Variants in AKAP8 observed in about 807,000 individuals in gnomAD.
AKAP8 encodes the protein A-kinase anchor protein 8.
AKAP8 carries 24 observed loss-of-function variants against 67.5 expected under a neutral mutation model. The ratio of observed to expected loss-of-function variants is 0.36; its 90% CI spans 0.26 to 0.50. The LOEUF (loss-of-function observed/expected upper bound fraction) is 0.50, where lower values mean the gene tolerates loss of function less well. AKAP8 is among the 20% of genes least tolerant of loss of function. The pLI is 0.97. For missense variants in AKAP8, 971 were observed against 955.9 expected (o/e 1.02, Z -0.21); for synonymous variants, 400 against 371.1 (o/e 1.08, Z -0.90).
At chr19:15,366,527 TTTC>T (rs1415373525) in intron 9 of AKAP8, among the ~76,000 whole-genome samples, 1 of 152,016 alleles carries the variant, frequency 6.6e-6, no homozygotes, top group Non-Finnish European at 1.5e-5. Flanking sequence ...GAACAGTGAT[TTTC>T]TTTTTTTTTT....
chr19:15,372,228 G>A lies in AKAP8; in HGVS notation c.981C>T (p.Phe327=), dbSNP rs1249798963. The part of the protein sequence containing the change: ...KLARVDSEGD[F]SENDDAAGDF... ...GCCCCCAGGACATACCATTTTCGGA[G>A]AAATCTCCTTCACTGTCAACCCGGG... Residue 327 remains phenylalanine (F), a synonymous_variant, in exon 6 of 14, where the codon TTC becomes TTT. Coordinates refer to ENST00000269701, the MANE Select transcript of AKAP8 (RefSeq NM_005858.4). The A allele has an allele frequency of 9.3e-6, 15 of 1,614,088 alleles. No individual in the cohort carries two copies. The highest frequency in any genetic ancestry group is 1.7e-5 in the Admixed American group (1 of 60,002).
At chr19:15,372,104 G>A in intron 6 of AKAP8, 106 bp from the exon 7 acceptor site, 1 of 1,608,160 alleles carries the variant, frequency 6.2e-7, no homozygotes, top group Non-Finnish European at 8.5e-7. Context: ...GACCACAGTG[G>A]GGTTGAAACA....
intron 11 of AKAP8, among the ~76,000 whole-genome samples, 177 bp from the exon 12 acceptor site, chr19:15,361,155 T>C (rs1161854806): frequency 6.6e-6 from 1 of 152,198 alleles, no homozygotes; most frequent in Non-Finnish European, 1.5e-5. Context: ...ATTCTGCACT[T>C]TTCAGCTTTT....
At chr19:15,358,837 T>C (rs1966918703) in intron 13 of AKAP8, 130 bp downstream of exon 13, 4 of 815,448 alleles carry the variant, frequency 4.9e-6, no homozygotes, top group Non-Finnish European at 8.2e-6. Flanking sequence ...GCTTGATGCA[T>C]TCCAGTGTCC....
intron 9 of AKAP8, among the ~76,000 whole-genome samples, chr19:15,363,470 C>G (rs1182026657): frequency 7.0e-6 from 1 of 142,784 alleles, no homozygotes; most frequent in African/African-American, 2.6e-5. Flanking sequence ...GCCGCCCCGT[C>G]CGGGAGGGAG....
chr19:15,368,849 A>G (rs966954904), intron 8 of AKAP8: 9 of 984,972 alleles, frequency 9.1e-6, no homozygotes, highest in African/African-American at 1.8e-5. Flanking sequence ...CCCGACCTCT[A>G]TCTTCCACTC....
Position 15,369,145 on chromosome 19 carries a change from T to C in AKAP8, c.1073-823A>G. The C allele has an allele frequency of 1.0e-6, 1 of 985,374 alleles. No individual in the cohort carries two copies. The highest frequency in any genetic ancestry group is 1.2e-6 in the Non-Finnish European group (1 of 829,936). 61.0% of individuals were successfully genotyped at this position (985,374 alleles called of 1,614,324 possible). A position where few individuals can be genotyped will look rare whatever the true frequency, so the allele number is the denominator to read the frequency against. ...CTCAGAAGCCTCTCAAAAGGGCGTG[T>C]GGGATTTTTGGCAAGAGGTCACTGC... On this transcript the variant is annotated intron_variant, in intron 8 of 13. Coordinates refer to ENST00000269701, the MANE Select transcript of AKAP8 (RefSeq NM_005858.4). The surrounding 1 kb of genome is among the most constrained non-coding windows in gnomAD (Gnocchi z 4.6).
intron 7 of AKAP8, among the ~76,000 whole-genome samples, chr19:15,370,739 C>T (rs1167943441): frequency 3.0e-5 from 4 of 132,850 alleles, no homozygotes; most frequent in Non-Finnish European, 4.6e-5. Flanking sequence ...TGAAGCAAAT[C>T]CTCTGCCTCA....
chr19:15,371,453 C>T (rs1014012462), intron 7 of AKAP8, among the ~76,000 whole-genome samples: 1 of 151,748 alleles, frequency 6.6e-6, no homozygotes, highest in African/African-American at 2.4e-5. Context: ...GAACTGGGAG[C>T]TTTTTTCAGA....
chr19:15,358,839 C>T, intron 13 of AKAP8, 128 bp downstream of exon 13: 1 of 822,162 alleles, frequency 1.2e-6, no homozygotes, highest in South Asian at 1.4e-5. Flanking sequence ...TTGATGCATT[C>T]CAGTGTCCCT....
intron 9 of AKAP8, among the ~76,000 whole-genome samples, chr19:15,365,414 C>A (rs1967052836): frequency 6.6e-6 from 1 of 152,214 alleles, no homozygotes; most frequent in Non-Finnish European, 1.5e-5. Flanking sequence ...GGGAGAGCAG[C>A]CTGCAGGCCC....
Position 15,374,623 on chromosome 19 carries a change from G to C in AKAP8, c.71C>G (p.Thr24Ser), listed in dbSNP as rs113147605. ...CTTACCTTGCCAGCTGGCCACACCA[G>C]TTCCATATGCACCTTAGGGGAAACA... The part of the protein sequence containing the change: ...GPANTQGAYG[T>S]GVASWQGYEN... Residue 24 changes from threonine (T) to serine (S), a missense_variant, in exon 3 of 14, where the codon ACT becomes AGT. Thr to Ser is a moderately conservative substitution (Grantham distance 58, BLOSUM62 1). Coordinates refer to ENST00000269701, the MANE Select transcript of AKAP8 (RefSeq NM_005858.4). 3 of 1,612,794 alleles carry C rather than the reference G, an allele frequency of 1.9e-6. No homozygotes were observed. The highest frequency in any genetic ancestry group is 1.3e-5 in the African/African-American group (1 of 74,828).
At chr19:15,361,082 G>A in intron 11 of AKAP8, 104 bp from the exon 12 acceptor site, 1 of 1,429,224 alleles carries the variant, frequency 7.0e-7, no homozygotes, top group South Asian at 1.3e-5. Flanking sequence ...TAAGGAATCA[G>A]AAGGGCACAG....
At chr19:15,379,472 C>T (rs2145093303) in intron 1 of AKAP8, 4 of 477,908 alleles carry the variant, frequency 8.4e-6, no homozygotes, top group Non-Finnish European at 7.2e-6. Flanking sequence ...CGGCGTCTGC[C>T]CCAACCCCGA....
At position 15,368,399 on chromosome 19, in the gene AKAP8, T is replaced by A; in HGVS notation, c.1073-77A>T. 1.9e-6 allele frequency: 3 copies of A among 1,604,506 alleles called. No individual in the cohort carries two copies. The South Asian group carries it at 3.3e-5, about 18-fold the overall frequency. On this transcript the variant is annotated intron_variant, in intron 8 of 13. Transcript: ENST00000269701. The stretch of plus-strand genomic sequence containing the variant: ...GAGCTCCAGGGCCTGGTCGGGGGGC[T>A]GCAGCTTGGCCACCGCACCCTGTGC...
At chr19:15,361,564 G>A (rs12710298) in intron 11 of AKAP8, 165 bp downstream of exon 11, 445,701 of 572,684 alleles carry the variant, frequency 0.78, 174,778 homozygotes, top group East Asian at 0.99. Flanking sequence ...GTGTCAGACA[G>A]GATGGCCTTG....
chr19:15,373,950 C>T lies in AKAP8; in HGVS notation c.207G>A (p.Ala69=), dbSNP rs148779961. The part of the protein sequence containing the change: ...EAAKANDGGL[A]AGAPAMHMAS... ...CCATGTGCATGGCAGGGGCCCCGGC[C>T]GCCAGGCCGCCATCATTGGCCTTGG... is the stretch of plus-strand genomic sequence containing the variant. Residue 69 remains alanine (A), a synonymous_variant, in exon 4 of 14, where the codon GCG becomes GCA. Transcript: ENST00000269701. 19 of 1,613,656 alleles carry T rather than the reference C, an allele frequency of 1.2e-5. No homozygotes were observed. The South Asian group carries it at 1.6e-4, about 14-fold the overall frequency.
At position 15,368,186 on chromosome 19, in the gene AKAP8, C is replaced by T. The variant is rs759083141; in HGVS notation, c.1160+49G>A. The T allele has an allele frequency of 6.2e-6, 10 of 1,603,514 alleles. No homozygotes were observed. The South Asian group carries it at 8.8e-5, about 14-fold the overall frequency. ...GGACAGGTGAGCTCGGCAGCGCCTCCACCGCACGAGTCCACCTCCTCCTGT... is the reference window on the plus strand; with the variant it reads ...GGACAGGTGAGCTCGGCAGCGCCTCTACCGCACGAGTCCACCTCCTCCTGT... On this transcript the variant is annotated intron_variant, in intron 9 of 13. Transcript: ENST00000269701.
At position 15,374,603 on chromosome 19, in the gene AKAP8, C is replaced by T; in HGVS notation, c.91G>A (p.Gly31Ser). The change falls in exon 3 of 14, where the codon GGT (glycine) becomes AGT (serine). Residue 31 changes from glycine to serine, a missense_variant and splice_region_variant. Transcript: ENST00000269701. ...AGACCCCCCCCACAGAAGGGCTTACCTTGCCAGCTGGCCACACCAGTTCCA... is the reference window on the plus strand; with the variant it reads ...AGACCCCCCCCACAGAAGGGCTTACTTTGCCAGCTGGCCACACCAGTTCCA... The part of the protein sequence containing the change: ...AYGTGVASWQ[G>S]YENYNYYGAQ... The T allele has an allele frequency of 6.2e-7, 1 of 1,613,492 alleles. No individual in the cohort carries two copies. The highest frequency in any genetic ancestry group is 8.5e-7 in the Non-Finnish European group (1 of 1,179,698).
Sources: allele counts gnomAD v4.1 joint callset (sites outside exome capture counted in the v4.1 genomes callset), GRCh38; gene constraint gnomAD v4.1.1; non-coding constraint Gnocchi (gnomAD v3.1); transcripts MANE v1.5; gene names NCBI Gene and HGNC (gene_info 2026-07-23, HGNC 2026-07-21).